Variants in NDUFA9 observed in about 807,000 individuals in gnomAD.
NDUFA9 encodes NADH dehydrogenase [ubiquinone] 1 alpha subcomplex subunit 9, mitochondrial.
A neutral mutation model predicts 45.9 loss-of-function variants in NDUFA9; 23 were observed. The observed-to-expected ratio is 0.50, with a 90% CI of 0.36 to 0.71. The LOEUF is 0.71. NDUFA9 is among the 30% of genes least tolerant of loss of function. The probability of loss-of-function intolerance (pLI) is 0.00; values close to 1 mark genes in which losing one functional copy is unlikely to be tolerated. For synonymous variants in NDUFA9, 176 were observed against 170.5 expected (o/e 1.03, Z -0.25); for missense variants, 466 against 488.2 (o/e 0.95, Z 0.43).
chr12:4,684,083 T>G (rs934396551), intron 9 of NDUFA9, among the ~76,000 whole-genome samples: 1 of 152,158 alleles, frequency 6.6e-6, no homozygotes, highest in Admixed American at 6.5e-5. Flanking sequence ...GACACTAGAA[T>G]AGAGACCTGA....
intron 8 of NDUFA9, among the ~76,000 whole-genome samples, chr12:4,680,569 T>C (rs1329438980): frequency 1.3e-5 from 2 of 152,204 alleles, no homozygotes; most frequent in Non-Finnish European, 2.9e-5. Context: ...AAACCTATTA[T>C]GTAGAGTTAG....
intron 8 of NDUFA9, 53 bp from the exon 9 acceptor site, chr12:4,682,152 G>A: frequency 7.5e-7 from 1 of 1,339,640 alleles, no homozygotes; most frequent in Non-Finnish European, 1.0e-6. Flanking sequence ...TGTTATAAAG[G>A]AAACTTTGTG....
chr12:4,687,173 C>T lies in NDUFA9; in HGVS notation c.*65C>T. 2 of 1,499,722 alleles carry T rather than the reference C, an allele frequency of 1.3e-6. No homozygotes were observed. The highest frequency in any genetic ancestry group is 1.8e-6 in the Non-Finnish European group (2 of 1,100,826). 92.9% of individuals were successfully genotyped at this position (1,499,722 alleles called of 1,614,324 possible). On this transcript the variant is annotated 3_prime_UTR_variant, in exon 11 of 11. Transcript: ENST00000266544. Reference sequence around the variant, plus strand: ...CGGCCCATGTGGTTTGAGCACCCAGCCAGGCGGTCTCTTTAGAGGATCCTG... The same window carrying T: ...CGGCCCATGTGGTTTGAGCACCCAGTCAGGCGGTCTCTTTAGAGGATCCTG...
chr12:4,684,827 A>G (rs1945975106), intron 9 of NDUFA9, among the ~76,000 whole-genome samples: 1 of 148,294 alleles, frequency 6.7e-6, no homozygotes, highest in Non-Finnish European at 1.5e-5. Flanking sequence ...TTTTTCCTCA[A>G]GGGCCCCAGC....
Position 4,694,156 on chromosome 12 carries a change from A to G in NDUFA9, c.*7048A>G, listed in dbSNP as rs531674868. On this transcript the variant is annotated 3_prime_UTR_variant, in exon 11 of 11. Transcript: ENST00000266544. ...TAGCAGAGCAAAATAATTCTTGTCT[A>G]TAGACGTGTACATTGTGTCTTAGCG... 6.6e-6 allele frequency: 1 copy of G among 152,382 alleles called. No individual in the cohort carries two copies. The highest frequency in any genetic ancestry group is 2.4e-5 in the African/African-American group (1 of 41,590). 9.4% of individuals were successfully genotyped at this position (152,382 alleles called of 1,614,324 possible). A position where few individuals can be genotyped will look rare whatever the true frequency, so the allele number is the denominator to read the frequency against.
chr12:4,684,789 G>C (rs907457006), intron 9 of NDUFA9, among the ~76,000 whole-genome samples: 1 of 147,784 alleles, frequency 6.8e-6, no homozygotes, highest in Non-Finnish European at 1.5e-5. Context: ...GTAGATTTTA[G>C]CCTTCTCCTT....
chr12:4,655,442 C>G (rs945090972), intron 3 of NDUFA9: 1 of 152,098 alleles, frequency 6.6e-6, no homozygotes, highest in Non-Finnish European at 1.5e-5. Context: ...CACTAGATTT[C>G]AAAGACTCAG....
chr12:4,669,836 A>C lies in NDUFA9; in HGVS notation c.800+19A>C, dbSNP rs1180345302. ...TCGTTGGGTAAGTGCTTAGAGTTTG[A>C]ATTTTAAATTGTGCTATTATAATGA... is the stretch of plus-strand genomic sequence containing the variant. On this transcript the variant is annotated intron_variant, in intron 8 of 10. Coordinates refer to ENST00000266544, the MANE Select transcript of NDUFA9 (RefSeq NM_005002.5). The C allele has an allele frequency of 6.4e-7, 1 of 1,560,390 alleles. No homozygotes were observed. Among genetic ancestry groups the C allele is most frequent in the South Asian group, 1.1e-5 (1 of 89,808 alleles).
chr12:4,685,858 AG>A (rs1945983070), intron 10 of NDUFA9, among the ~76,000 whole-genome samples: 1 of 149,044 alleles, frequency 6.7e-6, no homozygotes, highest in Admixed American at 6.7e-5. Context: ...ATTTGCTTCT[AG>A]GGAGGATGCA....
Position 4,668,573 on chromosome 12 carries a change from G to A in NDUFA9, c.723+49G>A, listed in dbSNP as rs1387350867. 3 of 1,475,390 alleles carry A rather than the reference G, an allele frequency of 2.0e-6. No homozygotes were observed. In the South Asian group the frequency reaches 3.4e-5, roughly 17 times the overall value. 91.4% of individuals were successfully genotyped at this position (1,475,390 alleles called of 1,614,324 possible). A position where few individuals can be genotyped will look rare whatever the true frequency, so the allele number is the denominator to read the frequency against. On this transcript the variant is annotated intron_variant, in intron 7 of 10. Coordinates refer to ENST00000266544, the MANE Select transcript of NDUFA9 (RefSeq NM_005002.5). ...CAGAAAGGGATTTTTGATGAATTCAGATTTGAGTGATCAAGTTTCTGGTTT... is the reference window on the plus strand; with the variant it reads ...CAGAAAGGGATTTTTGATGAATTCAAATTTGAGTGATCAAGTTTCTGGTTT...
At chr12:4,686,907 G>A (rs773461690) in intron 10 of NDUFA9, 31 bp from the exon 11 acceptor site, 3 of 1,604,188 alleles carry the variant, frequency 1.9e-6, no homozygotes, top group Non-Finnish European at 2.6e-6. Context: ...CCAGTTTTCA[G>A]CATTGTCTGT....
intron 8 of NDUFA9, among the ~76,000 whole-genome samples, chr12:4,670,802 A>G (rs566162074): frequency 2.6e-5 from 4 of 152,366 alleles, no homozygotes; most frequent in East Asian, 1.9e-4. Context: ...AATATATTCA[A>G]TACAGGTTTC....
rs769963992 is a variant in NDUFA9, at chr12:4,669,723, T to C, written c.724-18T>C. ...CTTTTTCAACAATTACTTAGACATA[T>C]ATTATAATTTCTTACAGGTCGTAGA... On this transcript the variant is annotated intron_variant, in intron 7 of 10. Coordinates refer to ENST00000266544, the MANE Select transcript of NDUFA9 (RefSeq NM_005002.5). The C allele has an allele frequency of 4.1e-6, 6 of 1,475,334 alleles. No individual in the cohort carries two copies. The highest frequency in any genetic ancestry group is 5.7e-6 in the Non-Finnish European group (6 of 1,054,804). 91.4% of individuals were successfully genotyped at this position (1,475,334 alleles called of 1,614,324 possible). A position where few individuals can be genotyped will look rare whatever the true frequency, so the allele number is the denominator to read the frequency against.
intron 6 of NDUFA9, among the ~76,000 whole-genome samples, chr12:4,665,883 C>T (rs768327375): frequency 6.6e-6 from 1 of 151,996 alleles, no homozygotes; most frequent in Non-Finnish European, 1.5e-5. Flanking sequence ...CTCACTGCAG[C>T]CTTGAACTCC....
chr12:4,649,282 ACT>A, intron 1 of NDUFA9, 107 bp downstream of exon 1: 2 of 1,320,094 alleles, frequency 1.5e-6, no homozygotes, highest in East Asian at 2.5e-5. Context: ...TCCTAGGCAC[ACT>A]CTGGTTTCTC....
chr12:4,654,975 T>G, intron 3 of NDUFA9, 53 bp downstream of exon 3: 1 of 1,417,386 alleles, frequency 7.1e-7, no homozygotes, highest in Non-Finnish European at 9.9e-7. Context: ...ACTAAGGTCA[T>G]TTTTAGGAGT....
chr12:4,685,298 C>A lies in NDUFA9; in HGVS notation c.936C>A (p.Pro312=). 6.2e-7 allele frequency: 1 copy of A among 1,614,090 alleles called. No individual in the cohort carries two copies. Among genetic ancestry groups the A allele is most frequent in the Non-Finnish European group, 8.5e-7 (1 of 1,179,962 alleles). The part of the protein sequence containing the change: ...ARVFEISPFE[P]WITRDKVERM... ...TCTTTGAAATAAGCCCATTTGAGCCCTGGATAACAAGGGATAAAGTGGAGC... is the reference window on the plus strand; with the variant it reads ...TCTTTGAAATAAGCCCATTTGAGCCATGGATAACAAGGGATAAAGTGGAGC... The change falls in exon 10 of 11, where the codon CCC becomes CCA. Residue 312 remains proline (P), a synonymous_variant. Transcript: ENST00000266544.
chr12:4,674,828 C>G (rs760083055), intron 8 of NDUFA9, among the ~76,000 whole-genome samples: 3 of 152,200 alleles, frequency 2.0e-5, no homozygotes, highest in Non-Finnish European at 4.4e-5. Flanking sequence ...ACCTAATAGA[C>G]GTCTACAGAA....
intron 1 of NDUFA9, among the ~76,000 whole-genome samples, chr12:4,650,613 A>G (rs1252976621): frequency 1.3e-5 from 2 of 152,222 alleles, no homozygotes; most frequent in Non-Finnish European, 1.5e-5. Context: ...ACACTATAGG[A>G]CAGAACTGTG....
Sources: allele counts gnomAD v4.1 joint callset (sites outside exome capture counted in the v4.1 genomes callset), GRCh38; gene constraint gnomAD v4.1.1; transcripts MANE v1.5; gene names NCBI Gene and HGNC (gene_info 2026-07-23, HGNC 2026-07-21).